Variants in ATF6 observed in about 807,000 individuals in gnomAD.
ATF6 encodes cyclic AMP-dependent transcription factor ATF-6 alpha.
In ATF6, 53 loss-of-function variants were observed where a neutral mutation model predicts 83.6. That is an observed-to-expected ratio of 0.63 (90% CI 0.51 to 0.80). ATF6 has a LOEUF of 0.80. Ranked by LOEUF, ATF6 falls within the 30% of genes least tolerant of loss-of-function variation. The pLI is 0.00. For missense variants in ATF6, 744 were observed against 797.9 expected (o/e 0.93, Z 0.81); for synonymous variants, 288 against 285.8 (o/e 1.01, Z -0.08).
chr1:161,783,420 A>T (rs1684680265), intron 3 of ATF6, among the ~76,000 whole-genome samples: 1 of 152,172 alleles, frequency 6.6e-6, no homozygotes, highest in South Asian at 2.1e-4. Flanking sequence ...ACCAAGGGAT[A>T]CTGCCTGGGC....
At chr1:161,846,298 A>AG in intron 9 of ATF6, 151 bp from the exon 10 acceptor site, 1 of 741,540 alleles carries the variant, frequency 1.3e-6, no homozygotes, top group Non-Finnish European at 2.0e-6. Flanking sequence ...GAACACCTTC[A>AG]GTACCCTATT....
At chr1:161,919,165 T>C (rs4417044) in intron 15 of ATF6, among the ~76,000 whole-genome samples, 114,699 of 152,084 alleles carry the variant, frequency 0.75, 43,753 homozygotes, top group Middle Eastern at 0.79. Flanking sequence ...CATAAGAGAG[T>C]TGAAAACAGG....
rs555985391 is a variant in ATF6 at position 161,860,409 on chromosome 1, GATATATATATATATGT to G, written c.1604+146_1604+161del. ...GTTTTATATTAGTCATATACTCTAA[GATATATATATATATGT>G]ATATATATATATAACATACTACTGA... On this transcript the variant is annotated intron_variant, in intron 13 of 15. Transcript: ENST00000367942. The G allele has an allele frequency of 7.3e-5, 19 of 260,330 alleles. No individual in the cohort carries two copies. In the East Asian group the frequency reaches 1.3e-3, roughly 18 times the overall value. The allele number at this position is 260,330 out of a possible 1,614,324, so 16.1% of individuals were successfully genotyped here.
intron 14 of ATF6, among the ~76,000 whole-genome samples, chr1:161,905,022 G>A (rs971241630): frequency 1.3e-5 from 2 of 152,138 alleles, no homozygotes; most frequent in South Asian, 2.1e-4. Context: ...TTTATGTGAC[G>A]CCAACATCAA....
Position 161,782,097 on chromosome 1 carries a change from G to A in ATF6, c.247+98G>A, listed in dbSNP as rs562413208. Reference sequence around the variant, plus strand: ...TAGGTGGGGTTATTGGGCTATTCTGGTAGGTTAAAAGATTCCTGGTGTTAT... The same window carrying A: ...TAGGTGGGGTTATTGGGCTATTCTGATAGGTTAAAAGATTCCTGGTGTTAT... On this transcript the variant is annotated intron_variant, in intron 3 of 15. Coordinates refer to ENST00000367942, the MANE Select transcript of ATF6 (RefSeq NM_007348.4). 724 of 777,346 alleles carry A rather than the reference G, an allele frequency of 9.3e-4. 1 individual carries two copies. Among genetic ancestry groups the A allele is most frequent in the Non-Finnish European group, 1.3e-3 (647 of 482,400 alleles). 48.2% of individuals were successfully genotyped at this position (777,346 alleles called of 1,614,324 possible).
intron 14 of ATF6, among the ~76,000 whole-genome samples, chr1:161,883,499 A>G (rs974359731): frequency 6.6e-6 from 1 of 152,054 alleles, no homozygotes; most frequent in Non-Finnish European, 1.5e-5. Flanking sequence ...TGACTACATC[A>G]CATTCATTTG....
rs139208786 is a variant in ATF6, at chr1:161,928,562, C to T, written c.1804+16182C>T. ...ATAAATTCATTCCATCCAAATTTAG[C>T]AGCCATCTATTGCAAAGTTTGCTTC... On this transcript the variant is annotated intron_variant, in intron 15 of 15. Transcript: ENST00000367942. 9.5e-3 allele frequency among the ~76,000 whole-genome samples: 1,438 copies of T among 152,148 alleles called. 8 individuals are homozygous for T. The highest frequency in any genetic ancestry group is 0.016 in the Non-Finnish European group (1,057 of 68,008).
chr1:161,900,691 A>G (rs1219155716), intron 14 of ATF6, among the ~76,000 whole-genome samples: 4 of 152,128 alleles, frequency 2.6e-5, no homozygotes, highest in Admixed American at 6.5e-5. Context: ...TTAATGTTAT[A>G]GTGTATGCTA....
At chr1:161,848,932 CTTTT>C (rs781537056) in intron 10 of ATF6, among the ~76,000 whole-genome samples, 1 of 140,194 alleles carries the variant, frequency 7.1e-6, no homozygotes, top group Non-Finnish European at 1.6e-5. Flanking sequence ...TCCTATCAGA[CTTTT>C]TTTTTTTTTT....
intron 12 of ATF6, among the ~76,000 whole-genome samples, chr1:161,857,867 G>A (rs1050436822): frequency 2.0e-5 from 3 of 152,108 alleles, no homozygotes; most frequent in Non-Finnish European, 4.4e-5. Context: ...TATGTTGTTC[G>A]AATAATATTT....
chr1:161,810,797 C>G (rs1422033694), intron 7 of ATF6, among the ~76,000 whole-genome samples: 1 of 152,104 alleles, frequency 6.6e-6, no homozygotes, highest in Non-Finnish European at 1.5e-5. Flanking sequence ...CCCCTGGTAG[C>G]CATTTAATCT....
At chr1:161,834,722 A>C (rs975800240) in intron 9 of ATF6, among the ~76,000 whole-genome samples, 1 of 152,048 alleles carries the variant, frequency 6.6e-6, no homozygotes, top group Non-Finnish European at 1.5e-5. Context: ...ACATGTATAC[A>C]TATGTAACAA....
chr1:161,814,355 T>C (rs1417264097), intron 7 of ATF6, among the ~76,000 whole-genome samples: 1 of 152,244 alleles, frequency 6.6e-6, no homozygotes, highest in Admixed American at 6.5e-5. Flanking sequence ...TGCATACTTC[T>C]GCTTTTACCT....
intron 14 of ATF6, among the ~76,000 whole-genome samples, chr1:161,880,893 A>G (rs1242318880): frequency 6.6e-6 from 1 of 152,096 alleles, no homozygotes; most frequent in African/African-American, 2.4e-5. Context: ...GTGCCTCCAT[A>G]TCCTTGGCAA....
chr1:161,823,711 T>G (rs1231576546), intron 9 of ATF6, among the ~76,000 whole-genome samples: 1 of 152,210 alleles, frequency 6.6e-6, no homozygotes, highest in Non-Finnish European at 1.5e-5. Flanking sequence ...TGTAATCTGT[T>G]ATGATATATT....
chr1:161,768,389 T>C (rs1040958597), intron 1 of ATF6, among the ~76,000 whole-genome samples: 5 of 152,236 alleles, frequency 3.3e-5, no homozygotes, highest in African/African-American at 1.2e-4. Context: ...CTTTTCAAAC[T>C]GTTAACAGTC....
At chr1:161,767,445 CTT>C (rs1397436522) in intron 1 of ATF6, among the ~76,000 whole-genome samples, 1 of 152,162 alleles carries the variant, frequency 6.6e-6, no homozygotes, top group African/African-American at 2.4e-5. Flanking sequence ...TGCTGGAAAA[CTT>C]AAGATTTTTT....
intron 7 of ATF6, among the ~76,000 whole-genome samples, chr1:161,807,726 A>G (rs946459600): frequency 6.6e-6 from 1 of 152,086 alleles, no homozygotes; most frequent in Admixed American, 6.6e-5. Context: ...AGGTTACAGT[A>G]GCTTTGGAAG....
At chr1:161,934,811 T>C (rs73019376) in intron 15 of ATF6, among the ~76,000 whole-genome samples, 176 of 152,312 alleles carry the variant, frequency 1.2e-3, no homozygotes, top group African/African-American at 4.1e-3. Context: ...AACCCATGTT[T>C]TCCTAGAAAC....
Sources: gnomAD v4.1 joint callset for allele counts (sites outside exome capture counted in the v4.1 genomes callset) on GRCh38, gnomAD v4.1.1 for gene constraint, MANE v1.5 for transcripts, NCBI Gene and HGNC (gene_info 2026-07-23, HGNC 2026-07-21) for gene names.